NELL2: variants seen among roughly 807,000 people sequenced by gnomAD.
The protein encoded by NELL2 is neural EGFL like 2, also known as protein kinase C-binding protein NELL2.
A neutral mutation model predicts 109.6 loss-of-function variants in NELL2; 41 were observed. The observed-to-expected ratio is 0.37, with a 90% CI of 0.29 to 0.49. The LOEUF is 0.49. Among genes scored for constraint, NELL2 ranks in the 20% least tolerant of loss-of-function variants. NELL2 has a pLI of 0.98. For synonymous variants in NELL2, 355 were observed against 344.7 expected (o/e 1.03, Z -0.33); for missense variants, 900 against 1,008.3 (o/e 0.89, Z 1.45).
chr12:44,846,205 C>A (rs746313896), intron 2 of NELL2, among the ~76,000 whole-genome samples: 1 of 152,218 alleles, frequency 6.6e-6, no homozygotes, highest in Non-Finnish European at 1.5e-5. Context: ...ATCTGTGGTT[C>A]ATTACGCAAG....
At chr12:44,742,573 G>T (rs950308188) in intron 9 of NELL2, among the ~76,000 whole-genome samples, 1 of 152,106 alleles carries the variant, frequency 6.6e-6, no homozygotes, top group Admixed American at 6.5e-5. Flanking sequence ...AAAATTAGAC[G>T]AATGGATAAC....
upstream of NELL2, among the ~76,000 whole-genome samples, chr12:44,915,577 T>G (rs1274541070): frequency 6.6e-6 from 1 of 152,176 alleles, no homozygotes; most frequent in Admixed American, 6.5e-5. Flanking sequence ...TGCTGGTGAC[T>G]GGCAAGACAT....
intron 13 of NELL2, among the ~76,000 whole-genome samples, chr12:44,645,474 C>T (rs1367107908): frequency 6.6e-6 from 1 of 152,032 alleles, no homozygotes; most frequent in Non-Finnish European, 1.5e-5. Context: ...GTTGGGTGTC[C>T]AGAATGAGAG....
At chr12:44,885,136 A>C (rs368612507) in intron 1 of NELL2, among the ~76,000 whole-genome samples, 1 of 151,876 alleles carries the variant, frequency 6.6e-6, no homozygotes, top group East Asian at 1.9e-4. Context: ...AATACAAGCC[A>C]GGCATGGTGG....
intron 12 of NELL2, among the ~76,000 whole-genome samples, chr12:44,691,458 C>T (rs1948897632): frequency 1.3e-5 from 2 of 152,232 alleles, no homozygotes; most frequent in African/African-American, 2.4e-5. Context: ...GCCCCCTTTC[C>T]TCAGTCCACG....
intron 9 of NELL2, among the ~76,000 whole-genome samples, chr12:44,771,346 T>TTTTA (rs200038651): frequency 2.8e-5 from 4 of 143,980 alleles, no homozygotes; most frequent in African/African-American, 1.0e-4. Flanking sequence ...ATGGTTTTTT[T>TTTTA]AAAAAAAAAA....
chr12:44,778,154 A>G (rs1941823386), intron 5 of NELL2, among the ~76,000 whole-genome samples: 1 of 152,174 alleles, frequency 6.6e-6, no homozygotes, highest in South Asian at 2.1e-4. Flanking sequence ...TGAAAAATGC[A>G]AACAAAATAT....
chr12:44,921,404 T>C (rs1945867058), intron 1 of NELL2, among the ~76,000 whole-genome samples: 1 of 152,140 alleles, frequency 6.6e-6, no homozygotes, highest in African/African-American at 2.4e-5. Flanking sequence ...TATAACAAGT[T>C]CAAAATTCAG....
chr12:44,569,415 G>A (rs532126875), intron 15 of NELL2, among the ~76,000 whole-genome samples: 2 of 152,106 alleles, frequency 1.3e-5, no homozygotes, highest in East Asian at 3.9e-4. Flanking sequence ...GAGATTGCTG[G>A]GTCAAATGCT....
At chr12:44,795,895 CT>C (rs1258162373) in intron 3 of NELL2, among the ~76,000 whole-genome samples, 1 of 152,048 alleles carries the variant, frequency 6.6e-6, no homozygotes, top group Non-Finnish European at 1.5e-5. Flanking sequence ...TCTAGCATCC[CT>C]TATTAGAAAT....
At chr12:44,784,989 T>C (rs1566388649) in intron 3 of NELL2, among the ~76,000 whole-genome samples, 1 of 152,204 alleles carries the variant, frequency 6.6e-6, no homozygotes, top group Non-Finnish European at 1.5e-5. Flanking sequence ...GGATGCCCTC[T>C]CTCACAACTC....
chr12:44,546,449 A>G (rs965187194), intron 15 of NELL2, among the ~76,000 whole-genome samples: 2 of 152,168 alleles, frequency 1.3e-5, no homozygotes, highest in Non-Finnish European at 2.9e-5. Context: ...TTAGCCAGTA[A>G]GGAAACATCA....
In NELL2 at chr12:44,552,227, T is replaced by C. The variant is rs897101336; in HGVS notation, c.1664-19506A>G. Among the ~76,000 whole-genome samples, 7 of 152,310 alleles carry C rather than the reference T, an allele frequency of 4.6e-5. No individual in the cohort carries two copies. In the South Asian group the frequency reaches 1.2e-3, roughly 27 times the overall value. On this transcript the variant is annotated intron_variant, in intron 15 of 19. Coordinates refer to ENST00000429094, the MANE Select transcript of NELL2 (RefSeq NM_001145108.2). The stretch of plus-strand genomic sequence containing the variant: ...AGCAAACATAAATTTTTCTGAAAGA[T>C]TAGTGTAACCAAAGGTTTAATTGGT...
intron 15 of NELL2, among the ~76,000 whole-genome samples, chr12:44,582,602 T>C (rs1343516803): frequency 6.6e-6 from 1 of 151,396 alleles, no homozygotes; most frequent in African/African-American, 2.4e-5. Context: ...GGCCGAAAGG[T>C]AGAATGCTTT....
At chr12:44,750,948 A>C (rs1279615321) in intron 9 of NELL2, among the ~76,000 whole-genome samples, 2 of 152,166 alleles carry the variant, frequency 1.3e-5, no homozygotes, top group Non-Finnish European at 2.9e-5. Flanking sequence ...GGTTCTCCCT[A>C]AAGCACTACT....
At chr12:44,796,487 GTT>G (rs1169249401) in intron 3 of NELL2, among the ~76,000 whole-genome samples, 1 of 151,902 alleles carries the variant, frequency 6.6e-6, no homozygotes, top group Non-Finnish European at 1.5e-5. Flanking sequence ...AAGAAAAGAG[GTT>G]TCTTAATAAT....
chr12:44,614,390 C>T (rs1336296011), intron 13 of NELL2, among the ~76,000 whole-genome samples: 1 of 151,970 alleles, frequency 6.6e-6, no homozygotes, highest in East Asian at 1.9e-4. Flanking sequence ...ATGTCAATCA[C>T]TATGGAACAT....
chr12:44,793,556 C>A (rs1337561908), intron 3 of NELL2, among the ~76,000 whole-genome samples: 1 of 152,088 alleles, frequency 6.6e-6, no homozygotes, highest in East Asian at 1.9e-4. Flanking sequence ...CTAAAAGTAG[C>A]CTTTAGTAAC....
intron 9 of NELL2, among the ~76,000 whole-genome samples, chr12:44,742,070 G>A (rs1184356925): frequency 6.6e-6 from 1 of 152,148 alleles, no homozygotes; most frequent in East Asian, 1.9e-4. Flanking sequence ...CAGTAGGGGT[G>A]GACTGACACC....
Sources: gnomAD v4.1 joint callset for allele counts (sites outside exome capture counted in the v4.1 genomes callset) on GRCh38, gnomAD v4.1.1 for gene constraint, MANE v1.5 for transcripts, NCBI Gene and HGNC (gene_info 2026-07-23, HGNC 2026-07-21) for gene names.